ZNF485: variants seen among roughly 807,000 people sequenced by gnomAD.
The protein encoded by ZNF485 is Zinc finger protein 93 (Zinc finger protein HTF34).
A neutral mutation model predicts 10.8 loss-of-function variants in ZNF485; 9 were observed. That is an observed-to-expected ratio of 0.83 (90% CI 0.50 to 1.45). The LOEUF is 1.45. Ranked by LOEUF, ZNF485 falls within the 40% of genes most tolerant of loss-of-function variation. ZNF485 has a pLI of 0.00. For synonymous variants in ZNF485, 187 were observed against 181.0 expected (o/e 1.03, Z -0.27); for missense variants, 487 against 528.0 (o/e 0.92, Z 0.76).
intron 4 of ZNF485, among the ~76,000 whole-genome samples, chr10:43,610,364 A>G (rs145387322): frequency 3.0e-3 from 463 of 152,264 alleles, no homozygotes; most frequent in African/African-American, 9.8e-3. Context: ...TTTTGCCTCT[A>G]TCCTCTTCAG....
chr10:43,611,824 C>T (rs917401787), intron 4 of ZNF485, among the ~76,000 whole-genome samples: 12 of 152,058 alleles, frequency 7.9e-5, no homozygotes, highest in Non-Finnish European at 1.8e-4. Flanking sequence ...GTCCTTTGCC[C>T]GTTTTACTGT....
At chr10:43,612,735 A>G (rs1302507258) in intron 4 of ZNF485, among the ~76,000 whole-genome samples, 1 of 151,980 alleles carries the variant, frequency 6.6e-6, no homozygotes, top group Admixed American at 6.6e-5. Flanking sequence ...TCCATTTCCT[A>G]TATTTTCCTA....
Position 43,617,252 on chromosome 10 carries a change from C to T in ZNF485, c.1209C>T (p.Leu403=), listed in dbSNP as rs752035822. The change falls in exon 5 of 5, where the codon CTC becomes CTT. Residue 403 remains leucine (L), a synonymous_variant. Transcript: ENST00000361807. ...CAGGCCTTGTTGAACATCAGAGACT[C>T]CATACTGGGGAAAAACCTTATAAAT... The part of the protein sequence containing the change: ...HSSGLVEHQR[L]HTGEKPYKCN... 4 of 1,613,732 alleles carry T rather than the reference C, an allele frequency of 2.5e-6. No individual in the cohort carries two copies. The highest frequency in any genetic ancestry group is 1.3e-5 in the African/African-American group (1 of 74,866).
At chr10:43,608,485 C>T in intron 2 of ZNF485, 129 bp from the exon 3 acceptor site, 1 of 1,252,074 alleles carries the variant, frequency 8.0e-7, no homozygotes, top group Non-Finnish European at 1.1e-6. Context: ...GAGCCCTCAG[C>T]TTTTACTTGT....
At chr10:43,610,791 A>T (rs747422312) in intron 4 of ZNF485, among the ~76,000 whole-genome samples, 1 of 152,126 alleles carries the variant, frequency 6.6e-6, no homozygotes, top group African/African-American at 2.4e-5. Flanking sequence ...TACCACATTC[A>T]GATGGTTCAA....
At chr10:43,607,733 T>C (rs535028515) in intron 2 of ZNF485, among the ~76,000 whole-genome samples, 4 of 152,384 alleles carry the variant, frequency 2.6e-5, no homozygotes, top group African/African-American at 7.2e-5. Flanking sequence ...CTGCTCTAAG[T>C]CAAGTAATTT....
At chr10:43,606,704 G>T in intron 1 of ZNF485, 158 bp downstream of exon 1, 1 of 405,948 alleles carries the variant, frequency 2.5e-6, no homozygotes, top group Non-Finnish European at 4.4e-6. Flanking sequence ...CGTGTGGAGC[G>T]ACCGCTCGAG....
chr10:43,608,260 A>G (rs1339547645), intron 2 of ZNF485, among the ~76,000 whole-genome samples: 1 of 152,244 alleles, frequency 6.6e-6, no homozygotes, highest in African/African-American at 2.4e-5. Context: ...GGATGCTGAC[A>G]GTCAGTGCAA....
rs368421127 is a variant in ZNF485, at chr10:43,609,323, C to T, written c.220C>T (p.Arg74Ter). Reference sequence around the variant, plus strand: ...AGGGGCAGAGCCCTGGACTGAGGTGCGAGAGGCTCCATCAGGCACACATGC... The same window carrying T: ...AGGGGCAGAGCCCTGGACTGAGGTGTGAGAGGCTCCATCAGGCACACATGC... Reference protein sequence around the residue: ...EQGAEPWTEVREAPSGTHAVE... With the variant: ...EQGAEPWTEV The change falls in exon 4 of 5, where the codon CGA becomes TGA. Residue 74 changes from arginine (R) to a stop codon, truncating the protein, a stop_gained. Coordinates refer to ENST00000361807, the MANE Select transcript of ZNF485 (RefSeq NM_145312.4). LOFTEE classifies it low-confidence loss of function (END_TRUNC). The T allele has an allele frequency of 1.5e-5, 25 of 1,613,726 alleles. No individual in the cohort carries two copies. The highest frequency in any genetic ancestry group is 3.3e-5 in the Admixed American group (2 of 59,986).
At chr10:43,611,968 T>G (rs1838777506) in intron 4 of ZNF485, among the ~76,000 whole-genome samples, 1 of 152,232 alleles carries the variant, frequency 6.6e-6, no homozygotes. Context: ...AAGGTAATGA[T>G]GGATATGCTT....
chr10:43,616,308 G>C lies in ZNF485; in HGVS notation c.265G>C (p.Glu89Gln). The C allele has an allele frequency of 6.4e-7, 1 of 1,566,224 alleles. No individual in the cohort carries two copies. Among genetic ancestry groups the C allele is most frequent in the Non-Finnish European group, 8.6e-7 (1 of 1,160,278 alleles). ...TCTTTCAGTCGAGGATTACTGGTTT[G>C]AAACAAAGATGTCAGCCCTAAAGCA... is the stretch of plus-strand genomic sequence containing the variant. ...GTHAVEDYWF[E>Q]TKMSALKQST... The change falls in exon 5 of 5, where the codon GAA becomes CAA. Residue 89 changes from glutamate to glutamine, a missense_variant. By Grantham distance (29) the Glu-to-Gln change is conservative. Coordinates refer to ENST00000361807, the MANE Select transcript of ZNF485 (RefSeq NM_145312.4).
intron 4 of ZNF485, among the ~76,000 whole-genome samples, chr10:43,615,274 C>G (rs1039538770): frequency 2.6e-5 from 4 of 152,150 alleles, no homozygotes; most frequent in Non-Finnish European, 4.4e-5. Context: ...AATTTTACTA[C>G]AAGTTTGGCT....
At chr10:43,609,478 C>A (rs1004475288) in intron 4 of ZNF485, 128 bp downstream of exon 4, 29 of 670,840 alleles carry the variant, frequency 4.3e-5, no homozygotes, top group Non-Finnish European at 6.2e-5. Flanking sequence ...TTGATGTCAT[C>A]CTCCTGTCAA....
Position 43,616,636 on chromosome 10 carries a change from A to C in ZNF485, c.593A>C (p.His198Pro). The C allele has an allele frequency of 3.1e-6, 5 of 1,614,198 alleles. No individual in the cohort carries two copies. The highest frequency in any genetic ancestry group is 3.4e-6 in the Non-Finnish European group (4 of 1,180,040). Residue 198 changes from histidine (H) to proline (P), a missense_variant, in exon 5 of 5, where the codon CAC becomes CCC. Physicochemically the swap from His to Pro is moderately conservative, Grantham distance 77. Transcript: ENST00000361807. Reference protein sequence around the residue: ...CIECGKFLKKHSTFINHQRIH... With the variant: ...CIECGKFLKKPSTFINHQRIH... ...GAATGTGGGAAGTTCCTGAAGAAGC[A>C]CTCAACGTTTATCAACCATCAGAGA...
chr10:43,609,985 C>G (rs750248914), intron 4 of ZNF485, among the ~76,000 whole-genome samples: 1 of 152,178 alleles, frequency 6.6e-6, no homozygotes, highest in Non-Finnish European at 1.5e-5. Context: ...CACGTCTGGC[C>G]CATGTTCATT....
chr10:43,615,680 GC>G (rs1463861204), intron 4 of ZNF485, among the ~76,000 whole-genome samples: 1 of 152,176 alleles, frequency 6.6e-6, no homozygotes, highest in Non-Finnish European at 1.5e-5. Flanking sequence ...GGGATTACAG[GC>G]ATGAGCCACC....
At chr10:43,606,912 G>A in intron 1 of ZNF485, 85 bp from the exon 2 acceptor site, 2 of 1,029,272 alleles carry the variant, frequency 1.9e-6, no homozygotes, top group Non-Finnish European at 2.9e-6. Context: ...GAGGGAACGG[G>A]CGGGCGGGGA....
chr10:43,607,450 A>G (rs1012013188), intron 2 of ZNF485: 9 of 268,544 alleles, frequency 3.4e-5, no homozygotes, highest in African/African-American at 1.9e-4. Flanking sequence ...TGAAGAATAA[A>G]TGAGATTTGC....
chr10:43,606,530 C>G lies in ZNF485; in HGVS notation c.-71C>G, dbSNP rs901738675. 6.2e-6 allele frequency: 2 copies of G among 321,712 alleles called. No individual in the cohort carries two copies. The highest frequency in any genetic ancestry group is 1.2e-5 in the Non-Finnish European group (2 of 171,680). The allele number at this position is 321,712 out of a possible 1,614,324, so 19.9% of individuals were successfully genotyped here. ...CTCTCTGGGCGTGCAGCTCCGCAGC[C>G]CTGCCGGCTCGGTTCGGTTCGTGAG... On this transcript the variant is annotated 5_prime_UTR_variant, in exon 1 of 5. Transcript: ENST00000361807.
Sources: allele counts gnomAD v4.1 joint callset (sites outside exome capture counted in the v4.1 genomes callset), GRCh38; gene constraint gnomAD v4.1.1; transcripts MANE v1.5; gene names NCBI Gene and HGNC (gene_info 2026-07-23, HGNC 2026-07-21).